RGS6: variants seen among roughly 807,000 people sequenced by gnomAD.
RGS6 encodes the protein regulator of G-protein signaling 6.
Under a neutral mutation model 78.5 loss-of-function variants are expected in RGS6, and 30 were observed. That is an observed-to-expected ratio of 0.38 (90% CI 0.29 to 0.52). RGS6 has a LOEUF of 0.52. Ranked by LOEUF, RGS6 falls within the 20% of genes least tolerant of loss-of-function variation. The pLI, the probability that RGS6 is intolerant of heterozygous loss-of-function variation, is 0.85. For synonymous variants in RGS6, 206 were observed against 206.0 expected (o/e 1.00, Z 0.00); for missense variants, 495 against 609.7 (o/e 0.81, Z 1.98).
intron 3 of RGS6, among the ~76,000 whole-genome samples, chr14:72,369,950 T>C (rs1034700144): frequency 2.0e-5 from 3 of 152,164 alleles, no homozygotes; most frequent in Admixed American, 1.3e-4. Context: ...AATGCTTCCA[T>C]TGCTTTGATT....
intron 2 of RGS6, among the ~76,000 whole-genome samples, chr14:72,184,833 TAGTC>T (rs774851658): frequency 1.1e-4 from 16 of 152,234 alleles, no homozygotes; most frequent in African/African-American, 3.1e-4. Flanking sequence ...TGTATTGTCT[TAGTC>T]AGGGTTCTCT....
At chr14:72,547,143 C>T in intron 17 of RGS6, 1 of 1,532,774 alleles carries the variant, frequency 6.5e-7, no homozygotes, top group Non-Finnish European at 8.7e-7. Context: ...GACAGGATGC[C>T]CGCCTCTGCC....
At chr14:71,976,446 G>A (rs2094136820) in intron 2 of RGS6, among the ~76,000 whole-genome samples, 1 of 133,838 alleles carries the variant, frequency 7.5e-6, no homozygotes, top group Non-Finnish European at 1.5e-5. Context: ...AGAGTGTGAT[G>A]TTCCCCTTCC....
intron 2 of RGS6, among the ~76,000 whole-genome samples, chr14:72,184,369 A>ACACACACACACAC (rs2097210745): frequency 7.1e-6 from 1 of 141,284 alleles, no homozygotes; most frequent in East Asian, 2.1e-4. Flanking sequence ...TTTACTTTCA[A>ACACACACACACAC]ACACACACAC....
rs976185688 is a variant in RGS6, at chr14:72,435,576, C to T, written c.185-18952C>T. Among the ~76,000 whole-genome samples, 4 of 152,062 alleles carry T rather than the reference C, an allele frequency of 2.6e-5. 1 individual carries two copies. Among genetic ancestry groups the T allele is most frequent in the Non-Finnish European group, 5.9e-5 (4 of 68,034 alleles). ...TGGAGGCCAGAAATCTGAGATGGAT[C>T]TTAGAGACTAAAATCCAGGTATTGG... On this transcript the variant is annotated intron_variant, in intron 3 of 17. Transcript: ENST00000553525.
intron 2 of RGS6, among the ~76,000 whole-genome samples, chr14:72,332,300 TC>T (rs1313685152): frequency 6.6e-6 from 1 of 152,234 alleles, no homozygotes; most frequent in Non-Finnish European, 1.5e-5. Context: ...TTGGCCATCT[TC>T]CAGGCCAGGC....
At chr14:72,206,062 G>T (rs2042633985) in intron 2 of RGS6, among the ~76,000 whole-genome samples, 1 of 152,190 alleles carries the variant, frequency 6.6e-6, no homozygotes, top group Admixed American at 6.5e-5. Context: ...CTTTATTGCA[G>T]TACTGTTCAT....
intron 7 of RGS6, among the ~76,000 whole-genome samples, chr14:72,467,871 C>T (rs552977427): frequency 6.6e-5 from 10 of 152,214 alleles, no homozygotes; most frequent in African/African-American, 1.7e-4. Flanking sequence ...ACTCTTTGTG[C>T]GCCCAGTGCA....
chr14:72,173,400 A>G (rs1015815420), intron 2 of RGS6, among the ~76,000 whole-genome samples: 5 of 151,196 alleles, frequency 3.3e-5, no homozygotes, highest in African/African-American at 4.9e-5. Context: ...TTTCTGCACG[A>G]CCCCTTTTTC....
chr14:72,340,636 A>C (rs2076820915), intron 2 of RGS6, among the ~76,000 whole-genome samples: 1 of 152,066 alleles, frequency 6.6e-6, no homozygotes, highest in South Asian at 2.1e-4. Flanking sequence ...TCAGATGCAG[A>C]CTCTTTAAGC....
chr14:72,503,585 AGAGAGAG>A (rs2096758253), intron 13 of RGS6, among the ~76,000 whole-genome samples: 1 of 152,176 alleles, frequency 6.6e-6, no homozygotes, highest in Non-Finnish European at 1.5e-5. Flanking sequence ...AGAGAGAGAG[AGAGAGAG>A]AAATAGGAAA....
intron 11 of RGS6, chr14:72,477,317 C>G (rs2096263762): frequency 6.5e-6 from 1 of 154,102 alleles, no homozygotes; most frequent in African/African-American, 2.4e-5. Context: ...CCCAGGTCAA[C>G]AGACAATGGC....
At chr14:72,396,037 G>A (rs928310150) in intron 3 of RGS6, among the ~76,000 whole-genome samples, 11 of 152,022 alleles carry the variant, frequency 7.2e-5, no homozygotes, top group East Asian at 3.9e-4. Flanking sequence ...TAATCCTTTG[G>A]GTATATACCC....
intron 2 of RGS6, among the ~76,000 whole-genome samples, chr14:72,013,283 A>C (rs2086219174): frequency 6.7e-6 from 1 of 150,368 alleles, no homozygotes; most frequent in Non-Finnish European, 1.5e-5. Flanking sequence ...AAAAAAAAAA[A>C]AAAAAAAAAA....
chr14:71,899,420 T>C, the RGS6 span, among the ~76,000 whole-genome samples: 5 of 152,340 alleles, frequency 3.3e-5, no homozygotes, highest in African/African-American at 1.2e-4. Flanking sequence ...CAAAACATTG[T>C]TGAGGACATG....
intron 2 of RGS6, among the ~76,000 whole-genome samples, chr14:71,978,658 G>A (rs1303722336): frequency 4.7e-5 from 7 of 149,550 alleles, no homozygotes; most frequent in East Asian, 2.0e-4. Context: ...TGCTGGATTC[G>A]TTTTGCCAGT....
the RGS6 span, among the ~76,000 whole-genome samples, chr14:72,620,508 A>G: frequency 6.6e-6 from 1 of 152,202 alleles, no homozygotes; most frequent in African/African-American, 2.4e-5. Context: ...CTCGGCTTCC[A>G]GAAGCTTCCT....
At chr14:72,351,987 A>C (rs1032852862) in intron 2 of RGS6, 108 bp from the exon 3 acceptor site, 3 of 748,138 alleles carry the variant, frequency 4.0e-6, no homozygotes, top group Non-Finnish European at 6.5e-6. Flanking sequence ...GCTTTTTGTG[A>C]TATCTATTGT....
chr14:72,563,262 T>C lies in RGS6; in HGVS notation c.*795T>C, dbSNP rs1301650093. The C allele has an allele frequency of 1.2e-5, 2 of 160,700 alleles. No homozygotes were observed. The highest frequency in any genetic ancestry group is 2.8e-5 in the Non-Finnish European group (2 of 72,658). The allele number at this position is 160,700 out of a possible 1,614,324, so 10.0% of individuals were successfully genotyped here. On this transcript the variant is annotated 3_prime_UTR_variant, in exon 18 of 18. Transcript: ENST00000553525. ...GCTGACCATCTTTTAGAAAATTATT[T>C]CATAATTTATTCTGGCTTTGCCCCC...
Sources: allele counts gnomAD v4.1 joint callset (sites outside exome capture counted in the v4.1 genomes callset), GRCh38; gene constraint gnomAD v4.1.1; transcripts MANE v1.5; gene names NCBI Gene and HGNC (gene_info 2026-07-23, HGNC 2026-07-21).